Variants in PABPC4L observed in about 807,000 individuals in gnomAD.
The protein encoded by PABPC4L is poly(A) binding protein cytoplasmic 4 like.
For synonymous variants in PABPC4L, 169 were observed against 164.1 expected (o/e 1.03, Z -0.23); for missense variants, 452 against 451.4 (o/e 1.00, Z -0.01).
the PABPC4L span, among the ~76,000 whole-genome samples, chr4:134,109,726 A>G: frequency 2.1e-3 from 320 of 151,978 alleles, 9 homozygotes; most frequent in East Asian, 0.053. Flanking sequence ...TAAATCAAAG[A>G]TTTTATTATC....
the PABPC4L span, among the ~76,000 whole-genome samples, chr4:133,997,129 T>G: frequency 6.6e-6 from 1 of 152,112 alleles, no homozygotes; most frequent in Non-Finnish European, 1.5e-5. Flanking sequence ...CTCTATTACC[T>G]GAGACACCAT....
At chr4:133,969,000 G>T in the PABPC4L span, among the ~76,000 whole-genome samples, 4 of 152,120 alleles carry the variant, frequency 2.6e-5, no homozygotes, top group Non-Finnish European at 5.9e-5. Context: ...CTTTTAAAAG[G>T]AAATTGATTG....
the PABPC4L span, among the ~76,000 whole-genome samples, chr4:133,951,886 T>C: frequency 6.6e-6 from 1 of 152,166 alleles, no homozygotes; most frequent in Non-Finnish European, 1.5e-5. Context: ...GAGTTAAACC[T>C]GAAATTTTTT....
the PABPC4L span, among the ~76,000 whole-genome samples, chr4:133,995,385 C>G: frequency 6.6e-6 from 1 of 152,146 alleles, no homozygotes; most frequent in African/African-American, 2.4e-5. Flanking sequence ...CAGTCCCCAC[C>G]AGTTGACATG....
At chr4:133,994,083 A>C in the PABPC4L span, among the ~76,000 whole-genome samples, 1 of 152,142 alleles carries the variant, frequency 6.6e-6, no homozygotes. Flanking sequence ...TTGAGGAATC[A>C]CTGTGGGGAA....
chr4:134,162,252 C>G, the PABPC4L span, among the ~76,000 whole-genome samples: 1 of 151,992 alleles, frequency 6.6e-6, no homozygotes, highest in Middle Eastern at 3.4e-3. Flanking sequence ...AACATTGAAG[C>G]CACAATAGTA....
chr4:134,075,337 T>C, the PABPC4L span, among the ~76,000 whole-genome samples: 2 of 152,260 alleles, frequency 1.3e-5, no homozygotes, highest in East Asian at 3.9e-4. Flanking sequence ...GAATGTTTCA[T>C]CCATCTCTTG....
the PABPC4L span, among the ~76,000 whole-genome samples, chr4:133,994,142 G>A: frequency 1.3e-4 from 20 of 152,234 alleles, no homozygotes; most frequent in Middle Eastern, 3.4e-3. Context: ...TAGCTTGTAA[G>A]TCATGAAAAA....
the PABPC4L span, among the ~76,000 whole-genome samples, chr4:134,189,028 A>T: frequency 6.2e-4 from 94 of 152,088 alleles, no homozygotes; most frequent in South Asian, 0.019. Flanking sequence ...TTGTTAACAG[A>T]TTCTCAAGCT....
At chr4:133,971,629 C>T in the PABPC4L span, among the ~76,000 whole-genome samples, 103 of 152,276 alleles carry the variant, frequency 6.8e-4, no homozygotes, top group Admixed American at 3.1e-3. Context: ...AAATGTCCCA[C>T]ATTGTCTGGT....
chr4:133,950,493 A>G, the PABPC4L span, among the ~76,000 whole-genome samples: 20 of 152,240 alleles, frequency 1.3e-4, no homozygotes, highest in African/African-American at 4.6e-4. Flanking sequence ...TAATTCTTCA[A>G]TATTGCATGA....
chr4:134,012,813 C>T, the PABPC4L span, among the ~76,000 whole-genome samples: 1 of 152,126 alleles, frequency 6.6e-6, no homozygotes, highest in Non-Finnish European at 1.5e-5. Flanking sequence ...CCCTCACTAT[C>T]CCTCAACCTC....
At chr4:133,994,586 C>G in the PABPC4L span, among the ~76,000 whole-genome samples, 1 of 152,120 alleles carries the variant, frequency 6.6e-6, no homozygotes, top group Non-Finnish European at 1.5e-5. Context: ...GTCTTGATCA[C>G]TAATGATTGA....
the PABPC4L span, among the ~76,000 whole-genome samples, chr4:134,146,304 A>G: frequency 6.6e-6 from 1 of 151,612 alleles, no homozygotes; most frequent in African/African-American, 2.4e-5. Flanking sequence ...TATAAAGTGA[A>G]TAAAAGATGC....
chr4:134,093,745 T>C, the PABPC4L span, among the ~76,000 whole-genome samples: 681 of 151,534 alleles, frequency 4.5e-3, 7 homozygotes, highest in African/African-American at 0.016. Flanking sequence ...TGGCTTGCTT[T>C]GGAAGGGAGT....
At chr4:133,975,731 A>T in the PABPC4L span, among the ~76,000 whole-genome samples, 3 of 152,146 alleles carry the variant, frequency 2.0e-5, no homozygotes, top group African/African-American at 7.2e-5. Context: ...AGTTCGGGAC[A>T]TAGTGAATCC....
At chr4:134,142,913 T>C in the PABPC4L span, among the ~76,000 whole-genome samples, 1 of 151,632 alleles carries the variant, frequency 6.6e-6, no homozygotes, top group Non-Finnish European at 1.5e-5. Flanking sequence ...CAGTTGGTTC[T>C]ACTTCTATTA....
the PABPC4L span, among the ~76,000 whole-genome samples, chr4:133,983,232 G>C: frequency 6.6e-6 from 1 of 151,978 alleles, no homozygotes; most frequent in East Asian, 1.9e-4. Context: ...AATTGGAAAA[G>C]TTACCTTCAG....
the PABPC4L span, among the ~76,000 whole-genome samples, chr4:133,977,734 G>A: frequency 2.0e-5 from 3 of 152,046 alleles, no homozygotes; most frequent in African/African-American, 7.3e-5. Context: ...AAATTTGAAA[G>A]GCTCATGAAT....
Sources: gnomAD v4.1 joint callset for allele counts (sites outside exome capture counted in the v4.1 genomes callset) on GRCh38, gnomAD v4.1.1 for gene constraint, MANE v1.5 for transcripts, NCBI Gene and HGNC (gene_info 2026-07-23, HGNC 2026-07-21) for gene names.